DSCAML1: variants seen among roughly 807,000 people sequenced by gnomAD.
DSCAML1 encodes DS cell adhesion molecule like 1.
Under a neutral mutation model 200.5 loss-of-function variants are expected in DSCAML1, and 38 were observed. The observed-to-expected ratio is 0.19, with a 90% CI of 0.15 to 0.25. The LOEUF is 0.25. Among genes scored for constraint, DSCAML1 ranks in the 10% least tolerant of loss-of-function variants. The pLI is 1.00. For missense variants in DSCAML1, 2,223 were observed against 2,858.8 expected, an observed-to-expected ratio of 0.78 and a Z score of 5.07; for synonymous variants, 1,215 against 1,165.0, an observed-to-expected ratio of 1.04 and a Z score of -0.87.
chr11:117,572,839 C>A (rs930289011), intron 3 of DSCAML1, among the ~76,000 whole-genome samples: 2 of 152,152 alleles, frequency 1.3e-5, no homozygotes, highest in African/African-American at 4.8e-5. Context: ...ACCCTCCTGC[C>A]CTGGAGACCT....
At chr11:117,669,529 C>A (rs746913200) in intron 3 of DSCAML1, among the ~76,000 whole-genome samples, 17 of 152,140 alleles carry the variant, frequency 1.1e-4, no homozygotes, top group Non-Finnish European at 2.2e-4. Context: ...GGGCCCTGGG[C>A]ATATACAAGT....
At chr11:117,758,811 T>C (rs983638642) in intron 3 of DSCAML1, among the ~76,000 whole-genome samples, 1 of 152,168 alleles carries the variant, frequency 6.6e-6, no homozygotes, top group Admixed American at 6.5e-5. Flanking sequence ...AGAAAAGGTA[T>C]GCTGGGGCCT....
chr11:117,529,238 C>T (rs1277610853), intron 4 of DSCAML1, among the ~76,000 whole-genome samples: 3 of 152,028 alleles, frequency 2.0e-5, no homozygotes, highest in African/African-American at 2.4e-5. Context: ...CCACCACACT[C>T]GGCTAACGTT....
intron 3 of DSCAML1, among the ~76,000 whole-genome samples, chr11:117,604,392 G>C (rs555390009): frequency 6.6e-6 from 1 of 151,952 alleles, no homozygotes; most frequent in East Asian, 1.9e-4. Context: ...TTTGGCTGCT[G>C]CACAGAGATC....
In DSCAML1 at chr11:117,489,607, G is replaced by A. The variant is rs999363733; in HGVS notation, c.2360-7445C>T. ...CTTCTCTCTGAGACCCTGGGGGAGT[G>A]AAGACCCTGGTGTGAAGACGGCCCA... On this transcript the variant is annotated intron_variant, in intron 11 of 32. Transcript: ENST00000651296. This position sits in a 1 kb window ranked among gnomAD's most constrained non-coding sequence, Gnocchi z 4.8. Among the ~76,000 whole-genome samples, 2 of 152,140 alleles carry A rather than the reference G, an allele frequency of 1.3e-5. No homozygotes were observed. Among genetic ancestry groups the A allele is most frequent in the African/African-American group, 4.8e-5 (2 of 41,432 alleles).
intron 3 of DSCAML1, among the ~76,000 whole-genome samples, chr11:117,694,584 T>TCTC (rs2053556238): frequency 6.6e-6 from 1 of 152,114 alleles, no homozygotes; most frequent in Non-Finnish European, 1.5e-5. Flanking sequence ...AAAAGCTAGG[T>TCTC]CTCTGCCCCA....
At chr11:117,663,329 C>CTCTGAT (rs1450556788) in intron 3 of DSCAML1, among the ~76,000 whole-genome samples, 1 of 152,170 alleles carries the variant, frequency 6.6e-6, no homozygotes, top group Non-Finnish European at 1.5e-5. Flanking sequence ...CCAAACTGGG[C>CTCTGAT]TCTGCTTCTG....
At chr11:117,442,316 C>T (rs1177620541) in intron 21 of DSCAML1, among the ~76,000 whole-genome samples, 1 of 142,970 alleles carries the variant, frequency 7.0e-6, no homozygotes, top group Non-Finnish European at 1.5e-5. Context: ...TATGTGTATG[C>T]ATGTATTAGT....
chr11:117,775,903 C>G (rs1262587864), intron 3 of DSCAML1, among the ~76,000 whole-genome samples: 1 of 152,094 alleles, frequency 6.6e-6, no homozygotes, highest in Non-Finnish European at 1.5e-5. Context: ...GTTATGAGAC[C>G]TTAATGCTGA....
chr11:117,538,065 T>C (rs1001489791), intron 3 of DSCAML1, among the ~76,000 whole-genome samples: 1 of 152,196 alleles, frequency 6.6e-6, no homozygotes, highest in Non-Finnish European at 1.5e-5. Context: ...TTTTCAACCA[T>C]GTTTGTAGAT....
chr11:117,551,227 T>C (rs1017910165), intron 3 of DSCAML1, among the ~76,000 whole-genome samples: 2 of 152,206 alleles, frequency 1.3e-5, no homozygotes, highest in Non-Finnish European at 2.9e-5. Context: ...AGTTTGGGGA[T>C]ATACCTCAGG....
chr11:117,490,937 C>G (rs2049170271), intron 11 of DSCAML1, among the ~76,000 whole-genome samples: 1 of 152,184 alleles, frequency 6.6e-6, no homozygotes, highest in Non-Finnish European at 1.5e-5. Context: ...GAGGCAGGAT[C>G]TGGGGAGAAC....
chr11:117,632,726 G>T (rs904603456), intron 3 of DSCAML1, among the ~76,000 whole-genome samples: 1 of 152,202 alleles, frequency 6.6e-6, no homozygotes, highest in East Asian at 1.9e-4. Context: ...TCAGGTTTGC[G>T]TGGGTCAGTT....
intron 3 of DSCAML1, among the ~76,000 whole-genome samples, chr11:117,672,619 T>A (rs2137673812): frequency 6.6e-6 from 1 of 152,316 alleles, no homozygotes; most frequent in South Asian, 2.1e-4. Flanking sequence ...GGCGAGCCTA[T>A]GAGTGGGCAA....
At chr11:117,458,248 G>A (rs560466868) in intron 19 of DSCAML1, among the ~76,000 whole-genome samples, 1 of 152,136 alleles carries the variant, frequency 6.6e-6, no homozygotes, top group Non-Finnish European at 1.5e-5. Context: ...TCTGCCCCAT[G>A]AGGAAGGGCT....
rs2048517370 is a variant in DSCAML1 at position 117,463,293 on chromosome 11, GGT to G, written c.3265+1647_3265+1648del. Among the ~76,000 whole-genome samples the G allele has an allele frequency of 1.3e-5, 2 of 152,090 alleles. No individual in the cohort carries two copies. Among genetic ancestry groups the G allele is most frequent in the East Asian group, 3.9e-4 (2 of 5,170 alleles). ...CTTCATGGATAATTGTGCGACTCTT[GGT>G]GCTATGATTCCCAAAGGTGCTCCCT... On this transcript the variant is annotated intron_variant, in intron 17 of 32. Coordinates refer to ENST00000651296, the MANE Select transcript of DSCAML1 (RefSeq NM_020693.4). This position sits in a 1 kb window ranked among gnomAD's most constrained non-coding sequence, Gnocchi z 4.0.
chr11:117,459,124 G>C (rs556103976), intron 18 of DSCAML1, among the ~76,000 whole-genome samples: 2 of 152,234 alleles, frequency 1.3e-5, no homozygotes, highest in African/African-American at 2.4e-5. Context: ...CAGTGAGGGC[G>C]AGCCACAGAT....
intron 3 of DSCAML1, among the ~76,000 whole-genome samples, chr11:117,536,804 T>C (rs2050179719): frequency 6.6e-6 from 1 of 152,176 alleles, no homozygotes; most frequent in Non-Finnish European, 1.5e-5. Flanking sequence ...GGTTTCTGCT[T>C]TTCTTCCTTT....
chr11:117,478,987 A>C (rs1727151421), intron 14 of DSCAML1, among the ~76,000 whole-genome samples: 2 of 152,240 alleles, frequency 1.3e-5, no homozygotes, highest in South Asian at 2.1e-4. Flanking sequence ...AGACATGTGT[A>C]TCAAAGATGA....
Sources: allele counts gnomAD v4.1 joint callset (sites outside exome capture counted in the v4.1 genomes callset), GRCh38; gene constraint gnomAD v4.1.1; non-coding constraint Gnocchi (gnomAD v3.1); transcripts MANE v1.5; gene names NCBI Gene and HGNC (gene_info 2026-07-23, HGNC 2026-07-21).